Variants in MGAT4C observed in about 807,000 individuals in gnomAD.
MGAT4C encodes MGAT4 family member C, also known as alpha-1,3-mannosyl-glycoprotein 4-beta-N-acetylglucosaminyltransferase C.
MGAT4C carries 19 observed loss-of-function variants against 40.1 expected under a neutral mutation model. The observed-to-expected ratio is 0.47, with a 90% CI of 0.33 to 0.70. MGAT4C has a LOEUF of 0.70. Among genes scored for constraint, MGAT4C ranks in the 30% least tolerant of loss-of-function variants. MGAT4C has a pLI of 0.02. For synonymous variants in MGAT4C, 181 were observed against 187.1 expected (o/e 0.97, Z 0.27); for missense variants, 491 against 563.2 (o/e 0.87, Z 1.30).
Position 85,979,748 on chromosome 12 carries a change from C to T in MGAT4C, c.978G>A (p.Lys326=), listed in dbSNP as rs1448527931. 1 of 1,613,534 alleles carries T rather than the reference C, an allele frequency of 6.2e-7. No homozygotes were observed. Among genetic ancestry groups the T allele is most frequent in the Admixed American group, 1.7e-5 (1 of 59,924 alleles). Residue 326 remains lysine, a synonymous_variant, in exon 5 of 5, where the codon AAG becomes AAA. Transcript: ENST00000611864. ...SSYKGTENKL[K]DDDFEEESFD... ...ATGACTCCTCTTCAAAATCATCATCCTTCAGCTTATTCTCCGTCCCTTTGT... is the reference window on the plus strand; with the variant it reads ...ATGACTCCTCTTCAAAATCATCATCTTTCAGCTTATTCTCCGTCCCTTTGT...
chr12:86,453,225 A>G (rs1331939459), intron 2 of MGAT4C, among the ~76,000 whole-genome samples: 1 of 152,164 alleles, frequency 6.6e-6, no homozygotes, highest in Non-Finnish European at 1.5e-5. Flanking sequence ...GATAGAGGTT[A>G]TGATTGTTAG....
chr12:86,724,090 G>C (rs1950781910), intron 2 of MGAT4C, among the ~76,000 whole-genome samples: 1 of 151,992 alleles, frequency 6.6e-6, no homozygotes, highest in South Asian at 2.1e-4. Flanking sequence ...CTTCAAACCT[G>C]TATAAAAAAA....
At chr12:86,535,974 G>A (rs1959061259) in intron 2 of MGAT4C, among the ~76,000 whole-genome samples, 5 of 151,932 alleles carry the variant, frequency 3.3e-5, no homozygotes, top group Admixed American at 2.0e-4. Flanking sequence ...ATACTGATAC[G>A]ATTATCTACT....
chr12:86,417,101 A>G (rs1208470896), intron 3 of MGAT4C, among the ~76,000 whole-genome samples: 1 of 152,144 alleles, frequency 6.6e-6, no homozygotes, highest in African/African-American at 2.4e-5. Context: ...AAAAATTATC[A>G]CCAACAGTCT....
chr12:86,011,751 T>C (rs1888482518), intron 2 of MGAT4C: 1 of 792,806 alleles, frequency 1.3e-6, no homozygotes, highest in African/African-American at 1.9e-5. Context: ...CGAATAATAC[T>C]GATTACTAGG....
chr12:86,611,094 G>A (rs1284643952), intron 2 of MGAT4C, among the ~76,000 whole-genome samples: 2 of 151,994 alleles, frequency 1.3e-5, no homozygotes, highest in East Asian at 1.9e-4. Context: ...GCACTTGGAG[G>A]CTGTCAGCTA....
At chr12:86,120,693 G>T (rs1879241667) in intron 1 of MGAT4C, among the ~76,000 whole-genome samples, 1 of 152,150 alleles carries the variant, frequency 6.6e-6, no homozygotes, top group Non-Finnish European at 1.5e-5. Flanking sequence ...CTGTTAGAAG[G>T]AAAACTAACA....
intron 2 of MGAT4C, among the ~76,000 whole-genome samples, chr12:86,648,046 T>A (rs1409492991): frequency 6.6e-6 from 1 of 151,934 alleles, no homozygotes; most frequent in Non-Finnish European, 1.5e-5. Flanking sequence ...GCCAAATAAA[T>A]CCTTATTCAA....
chr12:86,104,330 C>T (rs1245874928), intron 1 of MGAT4C, among the ~76,000 whole-genome samples: 1 of 151,494 alleles, frequency 6.6e-6, no homozygotes, highest in East Asian at 1.9e-4. Context: ...GTCCCAGCTA[C>T]TCAGGAGATG....
At chr12:86,010,028 T>G (rs1243598156) in intron 2 of MGAT4C, among the ~76,000 whole-genome samples, 1 of 152,222 alleles carries the variant, frequency 6.6e-6, no homozygotes, top group African/African-American at 2.4e-5. Flanking sequence ...ACTTGATATT[T>G]CATTGCATAT....
chr12:86,576,366 T>C (rs1960559497), intron 2 of MGAT4C, among the ~76,000 whole-genome samples: 1 of 151,810 alleles, frequency 6.6e-6, no homozygotes, highest in African/African-American at 2.4e-5. Flanking sequence ...TTTGCTTTGG[T>C]TTTCTTGTGG....
chr12:86,782,120 G>A (rs1951852972), intron 1 of MGAT4C, among the ~76,000 whole-genome samples: 1 of 145,536 alleles, frequency 6.9e-6, no homozygotes, highest in Non-Finnish European at 1.5e-5. Flanking sequence ...AGCCTTCTGA[G>A]TAGCTGGGAC....
chr12:86,051,934 C>T (rs1892938293), intron 1 of MGAT4C, among the ~76,000 whole-genome samples: 1 of 151,424 alleles, frequency 6.6e-6, no homozygotes, highest in African/African-American at 2.4e-5. Flanking sequence ...AATAATTGTG[C>T]TAGCATAAAA....
At chr12:86,793,551 A>C (rs1323848450) in intron 1 of MGAT4C, among the ~76,000 whole-genome samples, 1 of 152,126 alleles carries the variant, frequency 6.6e-6, no homozygotes, top group African/African-American at 2.4e-5. Flanking sequence ...AGATGATTTT[A>C]AAACTATGAA....
chr12:86,467,468 T>C (rs1345862352), intron 2 of MGAT4C, among the ~76,000 whole-genome samples: 3 of 152,190 alleles, frequency 2.0e-5, no homozygotes, highest in East Asian at 3.8e-4. Context: ...ACCAATGTTA[T>C]AATTGGGCCT....
At chr12:86,620,070 G>A (rs1962588445) in intron 2 of MGAT4C, among the ~76,000 whole-genome samples, 1 of 152,078 alleles carries the variant, frequency 6.6e-6, no homozygotes, top group Non-Finnish European at 1.5e-5. Context: ...ACAGATGTTG[G>A]TGAGGATGCA....
chr12:86,758,131 T>C (rs958531768), intron 1 of MGAT4C, among the ~76,000 whole-genome samples: 4 of 152,160 alleles, frequency 2.6e-5, no homozygotes, highest in Non-Finnish European at 4.4e-5. Flanking sequence ...TCTTACATCA[T>C]GAGCTTCTAC....
chr12:86,179,723 T>A (rs1887898700), intron 1 of MGAT4C, among the ~76,000 whole-genome samples: 1 of 152,168 alleles, frequency 6.6e-6, no homozygotes, highest in South Asian at 2.1e-4. Flanking sequence ...TGATTTAGGG[T>A]ATCTGGCAGA....
Position 85,979,567 on chromosome 12 carries a change from T to C in MGAT4C, c.1159A>G (p.Ile387Val). The change falls in exon 5 of 5, where the codon ATT becomes GTT. Residue 387 changes from isoleucine (I) to valine (V), a missense_variant. By Grantham distance (29) the Ile-to-Val change is conservative. Coordinates refer to ENST00000611864, the MANE Select transcript of MGAT4C (RefSeq NM_001351288.2). ...DVFVIVFENPIIIKKIKVNTG... is the reference protein window; with the variant it reads ...DVFVIVFENPVIIKKIKVNTG... ...TTTACTTTAATTTTTTTTATTATAA[T>C]TGGATTTTCAAATACAATCACAAAA... The C allele has an allele frequency of 2.5e-6, 4 of 1,607,826 alleles. No homozygotes were observed. Among genetic ancestry groups the C allele is most frequent in the Non-Finnish European group, 3.4e-6 (4 of 1,177,526 alleles).
Sources: allele counts gnomAD v4.1 joint callset (sites outside exome capture counted in the v4.1 genomes callset), GRCh38; gene constraint gnomAD v4.1.1; transcripts MANE v1.5; gene names NCBI Gene and HGNC (gene_info 2026-07-23, HGNC 2026-07-21).